FOXO1: variants seen among roughly 807,000 people sequenced by gnomAD.
The protein encoded by FOXO1 is forkhead box protein O1.
A neutral mutation model predicts 44.1 loss-of-function variants in FOXO1; 6 were observed. That is an observed-to-expected ratio of 0.14 (90% CI 0.07 to 0.27). The LOEUF (loss-of-function observed/expected upper bound fraction) is 0.27, where lower values mean the gene tolerates loss of function less well. Ranked by LOEUF, FOXO1 falls within the 10% of genes least tolerant of loss-of-function variation. The probability of loss-of-function intolerance (pLI) is 1.00; values close to 1 mark genes in which losing one functional copy is unlikely to be tolerated. For synonymous variants in FOXO1, 380 were observed against 362.7 expected, an observed-to-expected ratio of 1.05 and a Z score of -0.54; for missense variants, 737 against 888.8, an observed-to-expected ratio of 0.83 and a Z score of 2.17.
chr13:40,645,359 G>A (rs1489593781), intron 1 of FOXO1, among the ~76,000 whole-genome samples: 3 of 152,166 alleles, frequency 2.0e-5, no homozygotes, highest in Middle Eastern at 3.2e-3. Context: ...TTTAAAAGGT[G>A]AAAGTACACA....
intron 1 of FOXO1, among the ~76,000 whole-genome samples, chr13:40,639,380 T>C (rs1877274018): frequency 6.6e-6 from 1 of 151,704 alleles, no homozygotes; most frequent in South Asian, 2.1e-4. Context: ...GGGTCGCCTG[T>C]CAGTAGTCCA....
chr13:40,644,456 A>G (rs1566083727), intron 1 of FOXO1, among the ~76,000 whole-genome samples: 1 of 152,206 alleles, frequency 6.6e-6, no homozygotes, highest in Non-Finnish European at 1.5e-5. Flanking sequence ...GAATGAAAGG[A>G]GGACCGATTA....
chr13:40,640,800 T>G (rs1877325860), intron 1 of FOXO1, among the ~76,000 whole-genome samples: 1 of 50,858 alleles, frequency 2.0e-5, no homozygotes, highest in African/African-American at 1.5e-4. Flanking sequence ...TGTTGTTGTT[T>G]GAGACAGAGT....
intron 1 of FOXO1, among the ~76,000 whole-genome samples, chr13:40,606,645 T>C (rs1284097448): frequency 1.3e-5 from 2 of 152,088 alleles, no homozygotes; most frequent in Admixed American, 1.3e-4. Context: ...CAGCACAGCA[T>C]GTTATTTTCT....
intron 1 of FOXO1, among the ~76,000 whole-genome samples, chr13:40,650,407 C>T (rs1566085158): frequency 6.6e-6 from 1 of 152,182 alleles, no homozygotes; most frequent in East Asian, 1.9e-4. Context: ...AGGTCTCAGC[C>T]TCATTTTACC....
intron 1 of FOXO1, among the ~76,000 whole-genome samples, chr13:40,572,026 T>C (rs1250187995): frequency 6.6e-6 from 1 of 152,242 alleles, no homozygotes; most frequent in East Asian, 1.9e-4. Flanking sequence ...TTAAAGTATT[T>C]TGTCAGCATT....
rs181931878 is a variant in FOXO1, at chr13:40,620,594, T to C, written c.630+44989A>G. On this transcript the variant is annotated intron_variant, in intron 1 of 2. Coordinates refer to ENST00000379561, the MANE Select transcript of FOXO1 (RefSeq NM_002015.4). ...ATGGTCAGCATTTACCAGAGATGCA[T>C]TGAGAACTGAGTAACCTTAGGTACA... 49 of 431,230 alleles carry C rather than the reference T, an allele frequency of 1.1e-4. No individual in the cohort carries two copies. The East Asian group carries it at 1.4e-3, about 13-fold the overall frequency. 26.7% of individuals were successfully genotyped at this position (431,230 alleles called of 1,614,324 possible).
intron 1 of FOXO1, among the ~76,000 whole-genome samples, chr13:40,604,374 G>A (rs1003273604): frequency 2.1e-5 from 3 of 141,450 alleles, no homozygotes; most frequent in African/African-American, 8.0e-5. Flanking sequence ...TAATTAGTCT[G>A]GTGTCAGATC....
At position 40,624,031 on chromosome 13, in the gene FOXO1, G is replaced by A. The variant is rs145988359; in HGVS notation, c.630+41552C>T. On this transcript the variant is annotated intron_variant, in intron 1 of 2. Transcript: ENST00000379561. ...AGGTGGGAGGATGGCTTGAGCCCAG[G>A]AGTTTGAGGCTGTAATGAGCTGTGA... is the stretch of plus-strand genomic sequence containing the variant. Among the ~76,000 whole-genome samples, 925 of 151,922 alleles carry A rather than the reference G, an allele frequency of 6.1e-3. 11 individuals are homozygous for A. The highest frequency in any genetic ancestry group is 0.021 in the African/African-American group (876 of 41,444).
At chr13:40,662,958 C>T (rs552765314) in intron 1 of FOXO1, among the ~76,000 whole-genome samples, 4 of 152,306 alleles carry the variant, frequency 2.6e-5, no homozygotes, top group African/African-American at 9.6e-5. Context: ...ATGAAACTAA[C>T]CAAAAGACTA....
At chr13:40,635,904 G>A (rs9549241) in intron 1 of FOXO1, among the ~76,000 whole-genome samples, 63,105 of 152,076 alleles carry the variant, frequency 0.41, 14,402 homozygotes, top group East Asian at 0.75. Context: ...GACCCACAGT[G>A]GCGCCCATCT....
intron 1 of FOXO1, among the ~76,000 whole-genome samples, chr13:40,652,836 T>C (rs1326701635): frequency 2.6e-5 from 4 of 152,238 alleles, no homozygotes; most frequent in African/African-American, 4.8e-5. Flanking sequence ...TTTACTTGTA[T>C]GAACCACTCC....
At chr13:40,564,994 A>AGT (rs1566062532) in intron 1 of FOXO1, among the ~76,000 whole-genome samples, 2 of 152,206 alleles carry the variant, frequency 1.3e-5, no homozygotes, top group Admixed American at 1.3e-4. Context: ...GACATGGTGT[A>AGT]CTTGCTTGTT....
chr13:40,561,943 CAAAAAA>C (rs60373589), intron 1 of FOXO1, among the ~76,000 whole-genome samples: 2 of 67,548 alleles, frequency 3.0e-5, no homozygotes, highest in Non-Finnish European at 6.2e-5. Context: ...ACTCTGTCGC[CAAAAAA>C]AAAAAAAAAA....
In FOXO1 at chr13:40,565,378, C is replaced by G. The variant is rs1377859863; in HGVS notation, c.631-4518G>C. Among the ~76,000 whole-genome samples the G allele has an allele frequency of 2.6e-5, 4 of 152,182 alleles. No individual in the cohort carries two copies. In the South Asian group the frequency reaches 8.3e-4, roughly 32 times the overall value. On this transcript the variant is annotated intron_variant, in intron 1 of 2. Transcript: ENST00000379561. The stretch of plus-strand genomic sequence containing the variant: ...GACTGTCCAGGAACACGGACCTTTT[C>G]TCTCCAAAGGCTGCCACCCTGCCCT...
intron 1 of FOXO1, among the ~76,000 whole-genome samples, chr13:40,625,350 A>C (rs12585870): frequency 0.42 from 64,360 of 152,022 alleles, 15,155 homozygotes; most frequent in East Asian, 0.75. Flanking sequence ...AGAAAATAAA[A>C]ATAAATATGG....
chr13:40,637,443 C>CAAA (rs894457880), intron 1 of FOXO1, among the ~76,000 whole-genome samples: 183 of 52,460 alleles, frequency 3.5e-3, no homozygotes, highest in Middle Eastern at 0.013. Context: ...GACTCCATCA[C>CAAA]AAAAAAAAAA....
At chr13:40,662,170 CAAAAAAA>C (rs57350461) in intron 1 of FOXO1, among the ~76,000 whole-genome samples, 32 of 56,730 alleles carry the variant, frequency 5.6e-4, no homozygotes, top group African/African-American at 8.9e-4. Flanking sequence ...GACTCTGACT[CAAAAAAA>C]AAAAAAAAAA....
In FOXO1 at chr13:40,559,731, T is replaced by C. The variant is rs757585400; in HGVS notation, c.1760A>G (p.Tyr587Cys). Residue 587 changes from tyrosine to cysteine, a missense_variant, in exon 2 of 3, where the codon TAT becomes TGT. Tyr to Cys is a radical substitution (Grantham distance 194). This residue lies in a region of FOXO1 where 283 missense variants were observed against 278.1 expected (regional missense o/e 1.02). Transcript: ENST00000379561. The part of the protein sequence containing the change: ...GYSSVSSCNG[Y>C]GRMGLLHQEK... ...CTGGTGGAGAAGGCCCATTCTGCCA[T>C]AGCCATTGCAGCTGCTCACGGAGGA... 5 of 1,613,890 alleles carry C rather than the reference T, an allele frequency of 3.1e-6. No homozygotes were observed. The highest frequency in any genetic ancestry group is 3.3e-5 in the Admixed American group (2 of 60,004).
Sources: gnomAD v4.1 joint callset for allele counts (sites outside exome capture counted in the v4.1 genomes callset) on GRCh38, gnomAD v4.1.1 for gene constraint, gnomAD v4.1.1 regional missense constraint, MANE v1.5 for transcripts, NCBI Gene and HGNC (gene_info 2026-07-23, HGNC 2026-07-21) for gene names.